ATG4D: variants seen among roughly 807,000 people sequenced by gnomAD.
ATG4D encodes the protein cysteine protease ATG4D.
A neutral mutation model predicts 55.2 loss-of-function variants in ATG4D; 51 were observed. That is an observed-to-expected ratio of 0.92 (90% CI 0.74 to 1.17). The LOEUF is 1.17. Ranked by LOEUF, ATG4D falls within the 50% of genes most tolerant of loss-of-function variation. The probability of loss-of-function intolerance (pLI) is 0.00; values close to 1 mark genes in which losing one functional copy is unlikely to be tolerated. For missense variants in ATG4D, 635 were observed against 649.6 expected, an observed-to-expected ratio of 0.98 and a Z score of 0.25; for synonymous variants, 268 against 266.2, an observed-to-expected ratio of 1.01 and a Z score of -0.07.
At chr19:10,544,666 A>T in intron 1 of ATG4D, 117 bp from the exon 2 acceptor site, 1 of 1,517,310 alleles carries the variant, frequency 6.6e-7, no homozygotes, top group East Asian at 2.3e-5. Context: ...GAATCCCCGG[A>T]GCCACCCCGG....
In ATG4D at chr19:10,547,217, AC is replaced by A; in HGVS notation, c.802del (p.Arg268AlafsTer54). ...AGCCGTGGAGAGCTGCTCCGACGTC[AC>A]CCGCCTGGTGGTGTACGTTTCTCAG... ...RKAVESCSDV[T>X]RLVVYVSQDC... On this transcript the variant is annotated frameshift_variant, in exon 5 of 10. Transcript: ENST00000309469. LOFTEE classifies it high-confidence loss of function. 1.2e-6 allele frequency: 2 copies of A among 1,613,806 alleles called. No homozygotes were observed. Among genetic ancestry groups the A allele is most frequent in the Non-Finnish European group, 1.7e-6 (2 of 1,179,918 alleles).
At chr19:10,551,738 T>G (rs189815833) in intron 6 of ATG4D, among the ~76,000 whole-genome samples, 159 bp from the exon 7 acceptor site, 1 of 151,266 alleles carries the variant, frequency 6.6e-6, no homozygotes, top group Non-Finnish European at 1.5e-5. Flanking sequence ...ATCATCTTCC[T>G]TGTTAGTCTC....
At chr19:10,548,153 C>T (rs1198359367) in intron 5 of ATG4D, among the ~76,000 whole-genome samples, 1 of 150,978 alleles carries the variant, frequency 6.6e-6, no homozygotes, top group Non-Finnish European at 1.5e-5. Flanking sequence ...GCCTCAGCCT[C>T]CCAATAGCTG....
chr19:10,545,031 C>G lies in ATG4D; in HGVS notation c.394C>G (p.Pro132Ala). Residue 132 changes from proline (P) to alanine (A), a missense_variant, in exon 3 of 10, where the codon CCT becomes GCT. Coordinates refer to ENST00000309469, the MANE Select transcript of ATG4D (RefSeq NM_032885.6). ...LTYRRDFPPL[P>A]GGCLTSDCGW... is the part of the protein sequence containing the mutation. ...ATACCGCCGGGACTTCCCGCCCCTT[C>G]CTGGGGGCTGCCTGACCTCGGACTG... 1 of 1,612,796 alleles carries G rather than the reference C, an allele frequency of 6.2e-7. No homozygotes were observed. The highest frequency in any genetic ancestry group is 2.2e-5 in the East Asian group (1 of 44,874).
At chr19:10,544,928 G>C (rs1209472836) in intron 2 of ATG4D, 29 bp from the exon 3 acceptor site, 4 of 1,582,736 alleles carry the variant, frequency 2.5e-6, no homozygotes, top group African/African-American at 2.7e-5. Flanking sequence ...GAGTGTCCCT[G>C]GTGGCAGCTG....
chr19:10,552,375 T>C, intron 9 of ATG4D, 51 bp downstream of exon 9: 4 of 1,563,496 alleles, frequency 2.6e-6, no homozygotes, highest in Non-Finnish European at 2.6e-6. Flanking sequence ...TGGGCAGGGC[T>C]GGGGGTGAAA....
rs1189512666 is a variant in ATG4D, at chr19:10,552,940, G to GT, written c.1298_1299insT (p.His434ProfsTer36). The stretch of plus-strand genomic sequence containing the variant: ...TACCCCATGTTCACCCTGGCCGAGG[G>GT]CCATGCTCAGGACCACAGCCTGGAC... On this transcript the variant is annotated frameshift_variant, in exon 10 of 10. Transcript: ENST00000309469. LOFTEE classifies it high-confidence loss of function. The GT allele has an allele frequency of 6.8e-6, 11 of 1,613,654 alleles. No homozygotes were observed. The highest frequency in any genetic ancestry group is 9.3e-6 in the Non-Finnish European group (11 of 1,179,962).
chr19:10,546,797 C>T (rs1327738151), intron 3 of ATG4D, 42 bp from the exon 4 acceptor site: 1 of 1,517,102 alleles, frequency 6.6e-7, no homozygotes, highest in African/African-American at 1.4e-5. Flanking sequence ...CCTCTGCCCC[C>T]CACACACTAG....
rs145749350 is a variant in ATG4D, at chr19:10,551,954, C to T, written c.1024C>T (p.Leu342=). 9.8e-5 allele frequency: 158 copies of T among 1,613,698 alleles called. No individual in the cohort carries two copies. The highest frequency in any genetic ancestry group is 3.4e-4 in the Middle Eastern group (2 of 5,870). ...GIMGGKPRHS[L]YFIGYQDDFL... is the part of the protein sequence containing the mutation. ...CATGGGTGGGAAACCGCGACACTCACTGTACTTCATTGGCTACCAAGGTAG... is the reference window on the plus strand; with the variant it reads ...CATGGGTGGGAAACCGCGACACTCATTGTACTTCATTGGCTACCAAGGTAG... The change falls in exon 7 of 10, where the codon CTG becomes TTG. Residue 342 remains leucine, a synonymous_variant. Transcript: ENST00000309469.
In ATG4D at chr19:10,547,002, C is replaced by T. The variant is rs1018299640; in HGVS notation, c.657C>T (p.Phe219=). 1.9e-6 allele frequency: 3 copies of T among 1,591,642 alleles called. No individual in the cohort carries two copies. Among genetic ancestry groups the T allele is most frequent in the African/African-American group, 1.3e-5 (1 of 74,638 alleles). Residue 219 remains phenylalanine (F), a synonymous_variant, in exon 4 of 10, where the codon TTC becomes TTT. Transcript: ENST00000309469. The part of the protein sequence containing the change: ...ERRHRQIVSW[F]ADHPRAPFGL... ...GGCACCGGCAGATTGTGTCCTGGTT[C>T]GCCGACCACCCCCGGGCCCCCTTTG...
At chr19:10,552,759 G>C in intron 9 of ATG4D, 126 bp from the exon 10 acceptor site, 1 of 996,180 alleles carries the variant, frequency 1.0e-6, no homozygotes, top group South Asian at 1.6e-5. Flanking sequence ...GCCAGGGGAT[G>C]GAAGGTGCTG....
Position 10,551,879 on chromosome 19 carries a change from C to T in ATG4D, c.967-18C>T, listed in dbSNP as rs1417701747. ...TGAGTGGCTGCCTGACAGCACCTGCCTACCCTCCTCCCTGCAGGAACTCCT... is the reference window on the plus strand; with the variant it reads ...TGAGTGGCTGCCTGACAGCACCTGCTTACCCTCCTCCCTGCAGGAACTCCT... On this transcript the variant is annotated intron_variant, in intron 6 of 9. Transcript: ENST00000309469. 6.2e-7 allele frequency: 1 copy of T among 1,613,428 alleles called. No homozygotes were observed. The highest frequency in any genetic ancestry group is 1.7e-5 in the Admixed American group (1 of 59,966).
rs1156628873 is a variant in ATG4D at position 10,543,963 on chromosome 19, C to G, written c.-128C>G. On this transcript the variant is annotated 5_prime_UTR_variant, in exon 1 of 10. Coordinates refer to ENST00000309469, the MANE Select transcript of ATG4D (RefSeq NM_032885.6). The stretch of plus-strand genomic sequence containing the variant: ...GCAGCGGCGGCGGCTGTTGCCTGGC[C>G]CGGTACCCTGGGGACGGGGGCCGAG... The G allele has an allele frequency of 1.8e-6, 1 of 548,192 alleles. No homozygotes were observed. The highest frequency in any genetic ancestry group is 2.0e-5 in the African/African-American group (1 of 50,932). 34.0% of individuals were successfully genotyped at this position (548,192 alleles called of 1,614,324 possible).
chr19:10,549,163 G>A, intron 6 of ATG4D, 129 bp downstream of exon 6: 3 of 1,281,890 alleles, frequency 2.3e-6, no homozygotes, highest in South Asian at 3.1e-5. Flanking sequence ...CGCTCTTGTT[G>A]CCCAGGCTGG....
chr19:10,550,744 C>T (rs989123241), intron 6 of ATG4D, among the ~76,000 whole-genome samples: 9 of 126,706 alleles, frequency 7.1e-5, no homozygotes, highest in Admixed American at 3.0e-4. Context: ...CGGAGTCTTG[C>T]TCTGTCACTC....
intron 5 of ATG4D, among the ~76,000 whole-genome samples, chr19:10,547,714 C>T (rs1916084400): frequency 6.6e-6 from 1 of 150,410 alleles, no homozygotes; most frequent in South Asian, 2.1e-4. Context: ...GGGTGGATCA[C>T]CTGAGGTCAG....
At position 10,547,064 on chromosome 19, in the gene ATG4D, G is replaced by C. The variant is rs1251568721; in HGVS notation, c.719G>C (p.Gly240Ala). 5.7e-6 allele frequency: 9 copies of C among 1,590,754 alleles called. No individual in the cohort carries two copies. The highest frequency in any genetic ancestry group is 7.7e-6 in the Non-Finnish European group (9 of 1,170,340). ...HRLVELGQSS[G>A]KKAGDWYGPS... ...CTGGTGGAGCTTGGGCAGAGCTCAGGCAAGAAGGCAGGTGACTGGTATGGG... is the reference window on the plus strand; with the variant it reads ...CTGGTGGAGCTTGGGCAGAGCTCAGCCAAGAAGGCAGGTGACTGGTATGGG... The change falls in exon 4 of 10, where the codon GGC becomes GCC. Residue 240 changes from glycine to alanine, a missense_variant. Gly to Ala is a moderately conservative substitution (Grantham distance 60). Transcript: ENST00000309469.
Position 10,544,771 on chromosome 19 carries a change from A to T in ATG4D, c.236-12A>T. 6.2e-7 allele frequency: 1 copy of T among 1,613,640 alleles called. No individual in the cohort carries two copies. Among genetic ancestry groups the T allele is most frequent in the South Asian group, 1.1e-5 (1 of 91,038 alleles). ...CTTCATCTCGCTGGGCGCTGCCCCT[A>T]CGTCTCCCCAGGTTGGGTGGTTAAA... On this transcript the variant is annotated splice_polypyrimidine_tract_variant and intron_variant, in intron 1 of 9. Coordinates refer to ENST00000309469, the MANE Select transcript of ATG4D (RefSeq NM_032885.6).
In ATG4D at chr19:10,548,003, A is replaced by ATTTTTTTTTTTTTTTTTTTTTTTT. The variant is rs60924749; in HGVS notation, c.835+772_835+795dup. On this transcript the variant is annotated intron_variant, in intron 5 of 9. Transcript: ENST00000309469. ...TGAGCCACTGTGCCCAGCCCCTGTA[A>ATTTTTTTTTTTTTTTTTTTTTTTT]TTTTTTTTTTTTTTTTTTTTTTTTT... Among the ~76,000 whole-genome samples the ATTTTTTTTTTTTTTTTTTTTTTTT allele has an allele frequency of 5.7e-5, 2 of 35,000 alleles. 1 individual carries two copies. The allele number at this position is 35,000 out of a possible 152,430, so 23.0% of individuals were successfully genotyped here. A position where few individuals can be genotyped will look rare whatever the true frequency, so the allele number is the denominator to read the frequency against.
Sources: allele counts gnomAD v4.1 joint callset (sites outside exome capture counted in the v4.1 genomes callset), GRCh38; gene constraint gnomAD v4.1.1; transcripts MANE v1.5; gene names NCBI Gene and HGNC (gene_info 2026-07-23, HGNC 2026-07-21).